Variants in DAB1 observed in about 807,000 individuals in gnomAD.
DAB1 encodes DAB adaptor protein 1, also known as disabled homolog 1.
DAB1 carries 15 observed loss-of-function variants against 64.6 expected under a neutral mutation model. The observed-to-expected ratio is 0.23, with a 90% CI of 0.16 to 0.36. The LOEUF (loss-of-function observed/expected upper bound fraction) is 0.36. Among genes scored for constraint, DAB1 ranks in the 10% least tolerant of loss-of-function variants. DAB1 has a pLI of 1.00. For synonymous variants in DAB1, 235 were observed against 251.9 expected, an observed-to-expected ratio of 0.93 and a Z score of 0.64; for missense variants, 596 against 706.7, an observed-to-expected ratio of 0.84 and a Z score of 1.78.
At chr1:57,749,086 A>G (rs895815234) in intron 6 of DAB1, among the ~76,000 whole-genome samples, 6 of 152,204 alleles carry the variant, frequency 3.9e-5, no homozygotes, top group Non-Finnish European at 7.3e-5. Flanking sequence ...TATGGACTGA[A>G]TATTCTCTGG....
rs375682151 is a variant in DAB1 at position 58,054,306 on chromosome 1, A to G, written n.387+96205T>C. The stretch of plus-strand genomic sequence containing the variant: ...AAATTCTCATGGCTTAAAGACTACC[A>G]GTGCAAAGAGTTCTTTCTACTCCTC... On this transcript the variant is annotated intron_variant and non_coding_transcript_variant, in intron 5 of 20. Transcript: ENST00000485760. 2.4e-3 allele frequency among the ~76,000 whole-genome samples: 371 copies of G among 152,346 alleles called. 12 individuals are homozygous for G. The South Asian group carries it at 0.073, about 30-fold the overall frequency.
intron 7 of DAB1, among the ~76,000 whole-genome samples, chr1:57,565,945 C>T (rs907276938): frequency 6.6e-6 from 1 of 152,214 alleles, no homozygotes; most frequent in East Asian, 1.9e-4. Context: ...ATCTACAGAA[C>T]TCTCCACCCC....
At chr1:58,152,314 T>C (rs1247789478) in intron 4 of DAB1, among the ~76,000 whole-genome samples, 1 of 152,040 alleles carries the variant, frequency 6.6e-6, no homozygotes, top group East Asian at 1.9e-4. Flanking sequence ...CCTAATAAGA[T>C]CCCTACTCCA....
chr1:57,842,375 GT>G (rs1355449169), intron 1 of DAB1, among the ~76,000 whole-genome samples: 3 of 152,056 alleles, frequency 2.0e-5, no homozygotes, highest in Non-Finnish European at 2.9e-5. Flanking sequence ...CCTCCAAACT[GT>G]TGCAACCTCT....
intron 1 of DAB1, among the ~76,000 whole-genome samples, chr1:57,311,368 C>T (rs1052184411): frequency 1.3e-5 from 2 of 152,024 alleles, no homozygotes; most frequent in Non-Finnish European, 2.9e-5. Context: ...ATTCCTGAAG[C>T]CTGAGCACAC....
chr1:57,265,672 T>C (rs1670532863), intron 2 of DAB1, among the ~76,000 whole-genome samples: 1 of 152,178 alleles, frequency 6.6e-6, no homozygotes, highest in Non-Finnish European at 1.5e-5. Context: ...ATTAATTTTG[T>C]GCAAAGTTTC....
chr1:58,057,495 G>C (rs1648203392), intron 5 of DAB1, among the ~76,000 whole-genome samples: 1 of 152,136 alleles, frequency 6.6e-6, no homozygotes, highest in African/African-American at 2.4e-5. Flanking sequence ...AATAACTGTT[G>C]TCTTTATAAG....
chr1:58,059,985 C>T (rs1648389451), intron 5 of DAB1, among the ~76,000 whole-genome samples: 1 of 152,148 alleles, frequency 6.6e-6, no homozygotes, highest in East Asian at 1.9e-4. Context: ...ACAAAAGGGA[C>T]TGATTTCTGA....
At chr1:58,431,268 G>A (rs750019090) in intron 3 of DAB1, among the ~76,000 whole-genome samples, 2 of 152,044 alleles carry the variant, frequency 1.3e-5, no homozygotes, top group Non-Finnish European at 2.9e-5. Context: ...ATGAAGACTA[G>A]GAAAGCAAAG....
At chr1:57,109,396 C>A (rs489049) in intron 4 of DAB1, among the ~76,000 whole-genome samples, 120,166 of 152,124 alleles carry the variant, frequency 0.79, 47,675 homozygotes, top group East Asian at 0.98. Context: ...ACCCAGCAGA[C>A]TCTTTTAGTG....
chr1:57,329,680 A>AAC lies in DAB1; in HGVS notation c.-136-38515_-136-38514insGT, dbSNP rs1553168763. Among the ~76,000 whole-genome samples, 557 of 141,604 alleles carry AAC rather than the reference A, an allele frequency of 3.9e-3. 13 individuals carry two copies. Among genetic ancestry groups the AAC allele is most frequent in the Middle Eastern group, 0.015 (4 of 266 alleles). The allele number at this position is 141,604 out of a possible 152,430, so 92.9% of individuals were successfully genotyped here. Reference sequence around the variant, plus strand: ...TCTTCCAAAAAAAAAAAAAAAAAAAACCCACAAAACAAAAACATACCCATA... The same window carrying AAC: ...TCTTCCAAAAAAAAAAAAAAAAAAAAACCCCACAAAACAAAAACATACCCATA... On this transcript the variant is annotated intron_variant, in intron 1 of 14. Coordinates refer to ENST00000371236, the MANE Select transcript of DAB1 (RefSeq NM_001365792.1).
chr1:57,228,730 G>A (rs1569972759), intron 2 of DAB1, among the ~76,000 whole-genome samples: 1 of 152,072 alleles, frequency 6.6e-6, no homozygotes, highest in East Asian at 1.9e-4. Flanking sequence ...TCTGTTACTA[G>A]ATATTCACCT....
chr1:57,821,237 T>G (rs1289925854), downstream of DAB1, among the ~76,000 whole-genome samples: 2 of 152,090 alleles, frequency 1.3e-5, no homozygotes, highest in African/African-American at 2.4e-5. Flanking sequence ...TTTCAGCACC[T>G]AATGATGCAG....
chr1:57,468,665 A>G (rs1687037781), intron 7 of DAB1, among the ~76,000 whole-genome samples: 1 of 152,128 alleles, frequency 6.6e-6, no homozygotes, highest in African/African-American at 2.4e-5. Context: ...GGGTTGTAAG[A>G]AGAGAGGTAT....
chr1:58,060,027 G>A (rs929004234), intron 5 of DAB1: 1 of 152,460 alleles, frequency 6.6e-6, no homozygotes, highest in Non-Finnish European at 1.5e-5. Flanking sequence ...GTAGTGCAGG[G>A]GAGGGCACAC....
chr1:57,791,270 A>G (rs1364860095), intron 6 of DAB1, among the ~76,000 whole-genome samples: 4 of 152,208 alleles, frequency 2.6e-5, no homozygotes, highest in African/African-American at 7.2e-5. Context: ...AACTTGACAT[A>G]TATTACTTTG....
chr1:57,995,644 T>C (rs1420155310), intron 5 of DAB1, among the ~76,000 whole-genome samples: 1 of 152,088 alleles, frequency 6.6e-6, no homozygotes, highest in African/African-American at 2.4e-5. Flanking sequence ...CAAAGGTAAT[T>C]TTCTCAACGT....
intron 3 of DAB1, among the ~76,000 whole-genome samples, chr1:58,378,845 A>G (rs1319189358): frequency 1.3e-3 from 117 of 91,632 alleles, no homozygotes; most frequent in African/African-American, 2.9e-3. Context: ...CCGTGGGCGT[A>G]GGACCCTCCG....
chr1:57,875,969 G>A (rs144875937), intron 1 of DAB1, among the ~76,000 whole-genome samples: 13 of 152,290 alleles, frequency 8.5e-5, no homozygotes, highest in Admixed American at 1.3e-4. Flanking sequence ...CGTTGTCACT[G>A]CTAAGTCCAG....
Sources: gnomAD v4.1 joint callset for allele counts (sites outside exome capture counted in the v4.1 genomes callset) on GRCh38, gnomAD v4.1.1 for gene constraint, MANE v1.5 for transcripts, NCBI Gene and HGNC (gene_info 2026-07-23, HGNC 2026-07-21) for gene names.